The following LRRTM4 variants were observed in gnomAD, a reference collection of about 807,000 sequenced individuals.
LRRTM4 encodes leucine rich repeat transmembrane neuronal 4, also known as leucine-rich repeat transmembrane neuronal protein 4.
LRRTM4 carries 25 observed loss-of-function variants against 47.6 expected under a neutral mutation model. The ratio of observed to expected loss-of-function variants is 0.53; its 90% CI spans 0.38 to 0.73. LRRTM4 has a LOEUF of 0.73. LRRTM4 is among the 30% of genes least tolerant of loss of function. The probability of loss-of-function intolerance (pLI) is 0.00; values close to 1 mark genes in which losing one functional copy is unlikely to be tolerated. For synonymous variants in LRRTM4, 311 were observed against 269.5 expected (o/e 1.15, Z -1.51); for missense variants, 638 against 713.4 (o/e 0.89, Z 1.20).
At chr2:77,310,468 G>C (rs1677420923) in intron 3 of LRRTM4, among the ~76,000 whole-genome samples, 8 of 152,138 alleles carry the variant, frequency 5.3e-5, no homozygotes, top group Admixed American at 5.2e-4. Context: ...CTGTAGACTA[G>C]AGCTTGCCAG....
At chr2:76,909,098 A>G (rs543639282) in intron 3 of LRRTM4, among the ~76,000 whole-genome samples, 7 of 152,300 alleles carry the variant, frequency 4.6e-5, no homozygotes, top group African/African-American at 1.7e-4. Flanking sequence ...AAACTATACT[A>G]CAAGGCTACA....
In LRRTM4 at chr2:76,774,634, G is replaced by C. The variant is rs527508131; in HGVS notation, c.1552-25718C>G. Among the ~76,000 whole-genome samples the C allele has an allele frequency of 9.2e-5, 14 of 152,294 alleles. No homozygotes were observed. In the East Asian group the frequency reaches 1.2e-3, roughly 13 times the overall value. On this transcript the variant is annotated intron_variant, in intron 3 of 3. Transcript: ENST00000409884. ...AGGAGGAGGAACATGAGGAAGGGTT[G>C]GTCTTGCTGTCTCAGGGGTGACAGA...
intron 3 of LRRTM4, among the ~76,000 whole-genome samples, chr2:77,091,514 G>A (rs1321268592): frequency 2.0e-5 from 3 of 150,908 alleles, no homozygotes; most frequent in Non-Finnish European, 4.4e-5. Context: ...CAGGATCTGC[G>A]CCTTATCAAC....
At chr2:76,833,515 T>G (rs1392050581) in intron 3 of LRRTM4, among the ~76,000 whole-genome samples, 1 of 152,124 alleles carries the variant, frequency 6.6e-6, no homozygotes, top group African/African-American at 2.4e-5. Flanking sequence ...CAGTAGAAAA[T>G]TGATGGTTCA....
intron 3 of LRRTM4, among the ~76,000 whole-genome samples, chr2:77,028,305 C>G (rs55800138): frequency 0.12 from 18,818 of 151,962 alleles, 1,447 homozygotes; most frequent in Admixed American, 0.19. Context: ...ACATCAGAAG[C>G]CAAAAGCATG....
At chr2:77,088,078 TTCATG>T (rs1406655066) in intron 3 of LRRTM4, among the ~76,000 whole-genome samples, 1 of 152,216 alleles carries the variant, frequency 6.6e-6, no homozygotes, top group Admixed American at 6.5e-5. Context: ...TAGCTACAGC[TTCATG>T]TCAAGTTAAA....
Position 77,250,826 on chromosome 2 carries a change from G to A in LRRTM4, c.1551+267492C>T, listed in dbSNP as rs1316390654. ...TTCTTATTTTCAAAAAGTAGCAGCC[G>A]GGCGTGATGGCTCACGCCTGTAATC... On this transcript the variant is annotated intron_variant, in intron 3 of 3. Transcript: ENST00000409884. Among the ~76,000 whole-genome samples, 9 of 152,176 alleles carry A rather than the reference G, an allele frequency of 5.9e-5. No homozygotes were observed. In the East Asian group the frequency reaches 7.8e-4, roughly 13 times the overall value.
intron 3 of LRRTM4, among the ~76,000 whole-genome samples, chr2:77,245,443 A>G (rs549094132): frequency 6.6e-6 from 1 of 150,636 alleles, no homozygotes; most frequent in South Asian, 2.1e-4. Flanking sequence ...ACTAGAGCCC[A>G]GGAGTTCAAG....
intron 3 of LRRTM4, among the ~76,000 whole-genome samples, chr2:76,993,456 A>G (rs963925628): frequency 6.6e-6 from 1 of 152,032 alleles, no homozygotes; most frequent in Non-Finnish European, 1.5e-5. Context: ...GAAAATGAAC[A>G]GACACTTCTC....
intron 3 of LRRTM4, among the ~76,000 whole-genome samples, chr2:76,797,909 G>A (rs914227184): frequency 6.6e-6 from 1 of 151,312 alleles, no homozygotes; most frequent in Admixed American, 6.6e-5. Context: ...TCAACAAGAA[G>A]AGCTAACTAT....
chr2:76,820,668 A>G (rs1000067638), intron 3 of LRRTM4, among the ~76,000 whole-genome samples: 2 of 151,748 alleles, frequency 1.3e-5, no homozygotes, highest in African/African-American at 4.8e-5. Flanking sequence ...CTTACAACAC[A>G]TCATCAATGA....
At chr2:77,517,519 A>G (rs1319844337) in intron 3 of LRRTM4, 1 of 985,058 alleles carries the variant, frequency 1.0e-6, no homozygotes, top group Non-Finnish European at 1.2e-6. Flanking sequence ...GTTACCAGGG[A>G]CAAAGCCAAA....
chr2:76,797,192 AAAATGTTAAGGGCAGCCAGAGAG>A (rs1371424979), intron 3 of LRRTM4, among the ~76,000 whole-genome samples: 2 of 152,110 alleles, frequency 1.3e-5, no homozygotes, highest in African/African-American at 4.8e-5. Flanking sequence ...AATGAAGGAA[AAAATGTTAAGGGCAGCCAGAGAG>A]AAAGGTCGGG....
intron 3 of LRRTM4, among the ~76,000 whole-genome samples, chr2:77,125,975 A>G (rs1445059654): frequency 1.3e-5 from 2 of 151,264 alleles, no homozygotes; most frequent in East Asian, 1.9e-4. Flanking sequence ...ATATAGACAT[A>G]TACTAGACTG....
At chr2:76,918,778 A>C (rs1433370618) in intron 3 of LRRTM4, among the ~76,000 whole-genome samples, 2 of 152,162 alleles carry the variant, frequency 1.3e-5, no homozygotes, top group Non-Finnish European at 2.9e-5. Context: ...GGGTTTGGCC[A>C]ATGGAACTTA....
At chr2:77,514,770 G>C (rs1679146489) in intron 3 of LRRTM4, among the ~76,000 whole-genome samples, 1 of 151,362 alleles carries the variant, frequency 6.6e-6, no homozygotes, top group African/African-American at 2.4e-5. Flanking sequence ...CTTGTCCTTT[G>C]TTCACATTGG....
At chr2:77,420,710 T>G (rs1353688458) in intron 3 of LRRTM4, among the ~76,000 whole-genome samples, 1 of 148,848 alleles carries the variant, frequency 6.7e-6, no homozygotes, top group Non-Finnish European at 1.5e-5. Flanking sequence ...GAAATATAAT[T>G]CAGAGAATAT....
At chr2:76,768,145 T>G (rs1053277973) in intron 3 of LRRTM4, among the ~76,000 whole-genome samples, 2 of 152,214 alleles carry the variant, frequency 1.3e-5, no homozygotes, top group African/African-American at 4.8e-5. Flanking sequence ...CAAAGTGATA[T>G]AATTTATGTA....
chr2:77,347,614 G>C (rs528635944), intron 3 of LRRTM4, among the ~76,000 whole-genome samples: 9 of 151,896 alleles, frequency 5.9e-5, no homozygotes, highest in African/African-American at 1.9e-4. Context: ...TGGATATACA[G>C]TTTTATAAAA....
Sources: allele counts gnomAD v4.1 joint callset (sites outside exome capture counted in the v4.1 genomes callset), GRCh38; gene constraint gnomAD v4.1.1; transcripts MANE v1.5; gene names NCBI Gene and HGNC (gene_info 2026-07-23, HGNC 2026-07-21).